The following DOK6 variants were observed in gnomAD, a reference collection of about 807,000 sequenced individuals.
The protein encoded by DOK6 is downstream of tyrosine kinase 6.
In DOK6, 22 loss-of-function variants were observed where a neutral mutation model predicts 44.0. That is an observed-to-expected ratio of 0.50 (90% CI 0.36 to 0.71). The LOEUF (loss-of-function observed/expected upper bound fraction) is 0.71, where lower values mean the gene tolerates loss of function less well. Ranked by LOEUF, DOK6 falls within the 30% of genes least tolerant of loss-of-function variation. The pLI, the probability that DOK6 is intolerant of heterozygous loss-of-function variation, is 0.00. For missense variants in DOK6, 340 were observed against 416.4 expected, an observed-to-expected ratio of 0.82 and a Z score of 1.60; for synonymous variants, 166 against 145.5, an observed-to-expected ratio of 1.14 and a Z score of -1.01.
intron 6 of DOK6, among the ~76,000 whole-genome samples, chr18:69,747,760 T>G (rs549248844): frequency 6.6e-6 from 1 of 152,324 alleles, no homozygotes; most frequent in East Asian, 1.9e-4. Context: ...TTGCTAGGCT[T>G]TCTAAGAAGG....
intron 3 of DOK6, among the ~76,000 whole-genome samples, chr18:69,617,511 A>G (rs1984321431): frequency 4.1e-5 from 1 of 24,280 alleles, no homozygotes; most frequent in African/African-American, 1.3e-4. Context: ...AAAGAGAAAG[A>G]AAGAAAAGAA....
At chr18:69,405,040 T>C (rs1352329662) in intron 1 of DOK6, among the ~76,000 whole-genome samples, 1 of 152,292 alleles carries the variant, frequency 6.6e-6, no homozygotes, top group Non-Finnish European at 1.5e-5. Flanking sequence ...GAGGGACAGA[T>C]TGCGAGTTTT....
At chr18:69,640,336 T>C (rs1568318824) in intron 3 of DOK6, among the ~76,000 whole-genome samples, 1 of 152,218 alleles carries the variant, frequency 6.6e-6, no homozygotes, top group East Asian at 1.9e-4. Context: ...TTCCCTGATA[T>C]GTGGTATTCC....
intron 1 of DOK6, among the ~76,000 whole-genome samples, chr18:69,483,957 T>G (rs1980502513): frequency 6.6e-6 from 1 of 152,066 alleles, no homozygotes; most frequent in African/African-American, 2.4e-5. Flanking sequence ...AACTTAAATA[T>G]CTACATATTT....
intron 1 of DOK6, among the ~76,000 whole-genome samples, chr18:69,469,320 T>C (rs533799992): frequency 6.6e-6 from 1 of 152,366 alleles, no homozygotes; most frequent in South Asian, 2.1e-4. Flanking sequence ...ATAAGAATGC[T>C]TTTTATTCTC....
intron 5 of DOK6, among the ~76,000 whole-genome samples, chr18:69,708,903 C>A (rs142529081): frequency 6.6e-6 from 1 of 151,824 alleles, no homozygotes; most frequent in Non-Finnish European, 1.5e-5. Flanking sequence ...CTGGACAGGG[C>A]AATATAGGGA....
intron 5 of DOK6, chr18:69,724,873 C>T (rs1978298257): frequency 6.6e-6 from 1 of 152,256 alleles, no homozygotes; most frequent in African/African-American, 2.4e-5. Context: ...TTGTCTGCTA[C>T]TGACGAGTGC....
intron 1 of DOK6, among the ~76,000 whole-genome samples, chr18:69,445,970 AGTAATTTGAGTCCTCTCTTTTTTTC>A (rs1404243613): frequency 6.6e-6 from 1 of 152,068 alleles, no homozygotes; most frequent in African/African-American, 2.4e-5. Flanking sequence ...TCCTGATTTT[AGTAATTTGAGTCCTCTCTTTTTTTC>A]GTGGTCAGTC....
intron 6 of DOK6, among the ~76,000 whole-genome samples, chr18:69,756,897 G>GA (rs1979372602): frequency 6.6e-6 from 1 of 152,198 alleles, no homozygotes. Flanking sequence ...ATTGCTCATT[G>GA]TCTGTCAAAA....
At chr18:69,833,765 A>G (rs1436149699) in intron 7 of DOK6, among the ~76,000 whole-genome samples, 1 of 152,202 alleles carries the variant, frequency 6.6e-6, no homozygotes, top group Non-Finnish European at 1.5e-5. Flanking sequence ...GACATTTCTC[A>G]AAATAAGATA....
chr18:69,724,825 C>G lies in DOK6; in HGVS notation c.600-14140C>G, dbSNP rs570114841. 3 of 152,302 alleles carry G rather than the reference C, an allele frequency of 2.0e-5. No homozygotes were observed. In the East Asian group the frequency reaches 5.8e-4, roughly 29 times the overall value. The allele number at this position is 152,302 out of a possible 1,614,324, so 9.4% of individuals were successfully genotyped here. A position where few individuals can be genotyped will look rare whatever the true frequency, so the allele number is the denominator to read the frequency against. On this transcript the variant is annotated intron_variant, in intron 5 of 7. Coordinates refer to ENST00000382713, the MANE Select transcript of DOK6 (RefSeq NM_152721.6). ...AAACACTTACCTGAGGCACTTAGAC[C>G]AGCTCTCTCCAAGATTATATGGAAT...
chr18:69,493,515 G>A (rs951998112), intron 1 of DOK6, among the ~76,000 whole-genome samples: 1 of 152,160 alleles, frequency 6.6e-6, no homozygotes, highest in African/African-American at 2.4e-5. Flanking sequence ...TGATTTTTTA[G>A]CCACTCTAGG....
intron 1 of DOK6, among the ~76,000 whole-genome samples, chr18:69,560,952 C>A (rs910856593): frequency 1.3e-5 from 2 of 152,050 alleles, no homozygotes; most frequent in African/African-American, 4.8e-5. Flanking sequence ...ATATGGTGCT[C>A]TAATTTTTCT....
intron 1 of DOK6, among the ~76,000 whole-genome samples, chr18:69,559,742 G>A (rs956232414): frequency 1.3e-5 from 2 of 152,110 alleles, no homozygotes; most frequent in Non-Finnish European, 2.9e-5. Flanking sequence ...TCTGGAGTTT[G>A]CAAGTTTGAG....
chr18:69,799,028 G>A (rs1484377960), intron 7 of DOK6, among the ~76,000 whole-genome samples: 1 of 151,882 alleles, frequency 6.6e-6, no homozygotes, highest in African/African-American at 2.4e-5. Context: ...TCACTGGATT[G>A]TAAACAGAAT....
intron 7 of DOK6, among the ~76,000 whole-genome samples, chr18:69,826,895 C>T (rs930079738): frequency 2.0e-5 from 3 of 152,098 alleles, no homozygotes; most frequent in African/African-American, 7.2e-5. Context: ...GATCTGTATC[C>T]ACAATTCTCA....
intron 7 of DOK6, among the ~76,000 whole-genome samples, chr18:69,834,869 T>G (rs1047375343): frequency 3.9e-5 from 6 of 152,156 alleles, no homozygotes; most frequent in African/African-American, 1.4e-4. Flanking sequence ...GAGAAGACAT[T>G]TAATTGACTC....
intron 5 of DOK6, chr18:69,705,101 T>G (rs976546073): frequency 1.1e-4 from 16 of 152,296 alleles, no homozygotes; most frequent in African/African-American, 2.6e-4. Flanking sequence ...TCCAGGAGGA[T>G]TTTCCTTTAT....
chr18:69,539,678 C>A (rs1344086184), intron 1 of DOK6, among the ~76,000 whole-genome samples: 2 of 151,922 alleles, frequency 1.3e-5, no homozygotes, highest in Non-Finnish European at 2.9e-5. Context: ...TTATTAATGG[C>A]TAATTTTATT....
Sources: gnomAD v4.1 joint callset for allele counts (sites outside exome capture counted in the v4.1 genomes callset) on GRCh38, gnomAD v4.1.1 for gene constraint, MANE v1.5 for transcripts, NCBI Gene and HGNC (gene_info 2026-07-23, HGNC 2026-07-21) for gene names.